PIK3C2G: variants seen among roughly 807,000 people sequenced by gnomAD.
The protein encoded by PIK3C2G is phosphatidylinositol 3-kinase C2 domain-containing subunit gamma.
Under a neutral mutation model 181.1 loss-of-function variants are expected in PIK3C2G, and 168 were observed. That is an observed-to-expected ratio of 0.93 (90% CI 0.82 to 1.05). The LOEUF (loss-of-function observed/expected upper bound fraction) is 1.05. Ranked by LOEUF, PIK3C2G falls within the 50% of genes least tolerant of loss-of-function variation. The pLI is 0.00. For synonymous variants in PIK3C2G, 573 were observed against 592.2 expected, an observed-to-expected ratio of 0.97 and a Z score of 0.47; for missense variants, 1,869 against 1,732.8, an observed-to-expected ratio of 1.08 and a Z score of -1.40.
At chr12:18,725,156 T>A in the PIK3C2G span, among the ~76,000 whole-genome samples, 1 of 152,096 alleles carries the variant, frequency 6.6e-6, no homozygotes, top group Non-Finnish European at 1.5e-5. Context: ...CCACACAGAA[T>A]AGTGAGAGTT....
At chr12:18,548,355 T>G (rs1295680213) in intron 26 of PIK3C2G, among the ~76,000 whole-genome samples, 1 of 152,060 alleles carries the variant, frequency 6.6e-6, no homozygotes, top group Non-Finnish European at 1.5e-5. Flanking sequence ...TAGCTTACTA[T>G]TAGTCCCTCC....
intron 24 of PIK3C2G, among the ~76,000 whole-genome samples, chr12:18,517,901 G>C (rs1942653574): frequency 6.6e-6 from 1 of 152,124 alleles, no homozygotes; most frequent in Non-Finnish European, 1.5e-5. Context: ...TTTGAGATAT[G>C]TTCCATCAAT....
At chr12:18,276,541 G>A (rs1238965526) in intron 1 of PIK3C2G, among the ~76,000 whole-genome samples, 3 of 152,000 alleles carry the variant, frequency 2.0e-5, no homozygotes, top group African/African-American at 7.3e-5. Context: ...CCTCAAATAC[G>A]TTCTTCATGA....
At chr12:18,292,007 G>A (rs996939261) in intron 4 of PIK3C2G, among the ~76,000 whole-genome samples, 1 of 150,836 alleles carries the variant, frequency 6.6e-6, no homozygotes, top group African/African-American at 2.4e-5. Flanking sequence ...TGGGGAGTTC[G>A]AGATCAGCCT....
chr12:18,306,313 C>T (rs930133352), intron 5 of PIK3C2G, among the ~76,000 whole-genome samples: 1 of 151,916 alleles, frequency 6.6e-6, no homozygotes, highest in Non-Finnish European at 1.5e-5. Context: ...GATTTTTGTT[C>T]AAAAGCTTGA....
chr12:18,509,501 C>G (rs184035757), intron 24 of PIK3C2G, among the ~76,000 whole-genome samples: 84 of 152,372 alleles, frequency 5.5e-4, no homozygotes, highest in African/African-American at 1.8e-3. Context: ...ACATCTCACA[C>G]TAAGCATCTG....
intron 29 of PIK3C2G, among the ~76,000 whole-genome samples, chr12:18,586,577 A>G (rs1292437963): frequency 1.3e-5 from 2 of 152,150 alleles, no homozygotes. Context: ...ATCAGTAATA[A>G]ATAACCTAGT....
At chr12:18,721,080 A>G in the PIK3C2G span, among the ~76,000 whole-genome samples, 1 of 152,122 alleles carries the variant, frequency 6.6e-6, no homozygotes, top group Non-Finnish European at 1.5e-5. Flanking sequence ...CATGCATTGT[A>G]ACAGTAATGA....
chr12:18,725,052 A>G, the PIK3C2G span, among the ~76,000 whole-genome samples: 2 of 152,176 alleles, frequency 1.3e-5, no homozygotes, highest in African/African-American at 4.8e-5. Flanking sequence ...ATAAGTCCAA[A>G]CAAAATTCCA....
chr12:18,275,333 T>C (rs918730405), intron 1 of PIK3C2G, among the ~76,000 whole-genome samples: 1 of 152,118 alleles, frequency 6.6e-6, no homozygotes. Flanking sequence ...CCTTTCTTCA[T>C]TCACTTCATC....
At chr12:18,347,726 G>A (rs566708055) in intron 11 of PIK3C2G, among the ~76,000 whole-genome samples, 131 of 151,986 alleles carry the variant, frequency 8.6e-4, no homozygotes, top group African/African-American at 2.9e-3. Flanking sequence ...CAGTAGAATC[G>A]CTTGAAACCA....
intron 24 of PIK3C2G, among the ~76,000 whole-genome samples, chr12:18,514,583 A>G (rs1942417007): frequency 6.6e-6 from 1 of 151,762 alleles, no homozygotes; most frequent in Non-Finnish European, 1.5e-5. Flanking sequence ...AATCTTGTGT[A>G]TTGATTTTGT....
At chr12:18,684,196 G>T in the PIK3C2G span, 2 of 1,612,168 alleles carry the variant, frequency 1.2e-6, no homozygotes, top group Non-Finnish European at 1.7e-6. Flanking sequence ...ATTAAACCTT[G>T]ACCTTCAACA....
intron 26 of PIK3C2G, among the ~76,000 whole-genome samples, chr12:18,547,922 T>A (rs953279175): frequency 6.6e-6 from 1 of 151,964 alleles, no homozygotes; most frequent in Non-Finnish European, 1.5e-5. Flanking sequence ...CTAATGGGGA[T>A]GGGTGCCTTG....
At chr12:18,464,685 C>T (rs1301804123) in intron 18 of PIK3C2G, among the ~76,000 whole-genome samples, 1 of 151,984 alleles carries the variant, frequency 6.6e-6, no homozygotes, top group Non-Finnish European at 1.5e-5. Flanking sequence ...GTGTTTTTAA[C>T]CCTGCATAAA....
chr12:18,589,846 C>T (rs1946983039), intron 29 of PIK3C2G, among the ~76,000 whole-genome samples: 1 of 151,930 alleles, frequency 6.6e-6, no homozygotes, highest in African/African-American at 2.4e-5. Flanking sequence ...GATTGTAATG[C>T]TTTTCTTCTT....
chr12:18,614,609 T>G (rs1252115864), intron 31 of PIK3C2G, among the ~76,000 whole-genome samples: 1 of 152,180 alleles, frequency 6.6e-6, no homozygotes, highest in African/African-American at 2.4e-5. Context: ...TAATAAATGT[T>G]GGCTTTACCC....
chr12:18,409,460 T>C (rs1944731029), intron 16 of PIK3C2G, among the ~76,000 whole-genome samples: 1 of 152,090 alleles, frequency 6.6e-6, no homozygotes, highest in South Asian at 2.1e-4. Flanking sequence ...GATGGGTTGA[T>C]GGATGCAGCA....
chr12:18,565,797 C>T (rs1191005753), intron 28 of PIK3C2G, among the ~76,000 whole-genome samples: 1 of 152,004 alleles, frequency 6.6e-6, no homozygotes, highest in Non-Finnish European at 1.5e-5. Context: ...GCAGAATTGA[C>T]GTAGACTTCT....
Sources: allele counts gnomAD v4.1 joint callset (sites outside exome capture counted in the v4.1 genomes callset), GRCh38; gene constraint gnomAD v4.1.1; transcripts MANE v1.5; gene names NCBI Gene and HGNC (gene_info 2026-07-23, HGNC 2026-07-21).